WDFY4: variants seen among roughly 807,000 people sequenced by gnomAD.
The protein encoded by WDFY4 is WDFY family member 4, also known as WD repeat- and FYVE domain-containing protein 4.
WDFY4 carries 169 observed loss-of-function variants against 351.9 expected under a neutral mutation model. The observed-to-expected ratio is 0.48, with a 90% confidence interval of 0.42 to 0.55. The LOEUF is 0.55. Among genes scored for constraint, WDFY4 ranks in the 20% least tolerant of loss-of-function variants. The pLI is 0.00. For missense variants in WDFY4, 3,803 were observed against 3,935.6 expected, an observed-to-expected ratio of 0.97 and a Z score of 0.90; for synonymous variants, 1,622 against 1,574.6, an observed-to-expected ratio of 1.03 and a Z score of -0.71.
At chr10:48,816,193 C>T (rs2132953738) in intron 31 of WDFY4, among the ~76,000 whole-genome samples, 1 of 152,122 alleles carries the variant, frequency 6.6e-6, no homozygotes, top group South Asian at 2.1e-4. Context: ...ATTGTTTCTC[C>T]CTTCGTATTC....
intron 48 of WDFY4, among the ~76,000 whole-genome samples, chr10:48,942,913 C>A (rs1840854143): frequency 6.6e-6 from 1 of 152,174 alleles, no homozygotes; most frequent in Admixed American, 6.5e-5. Flanking sequence ...GACCATCAAG[C>A]CTGGGAGTGA....
In WDFY4 at chr10:48,982,595, G is replaced by C; in HGVS notation, c.*20G>C. 1 of 1,548,234 alleles carries C rather than the reference G, an allele frequency of 6.5e-7. No individual in the cohort carries two copies. The highest frequency in any genetic ancestry group is 8.7e-7 in the Non-Finnish European group (1 of 1,144,794). On this transcript the variant is annotated 3_prime_UTR_variant, in exon 62 of 62. Transcript: ENST00000325239. ...GGGTAGGAAGAGAGAGGCAGCAGAG[G>C]CTCTGGCACAACAGTGCCAGGCTGA...
intron 47 of WDFY4, among the ~76,000 whole-genome samples, chr10:48,907,156 C>A (rs990203396): frequency 6.6e-6 from 1 of 152,190 alleles, no homozygotes; most frequent in African/African-American, 2.4e-5. Flanking sequence ...GGGAAGCTAA[C>A]AATACCTGGC....
rs145657150 is a variant in WDFY4 at position 48,720,094 on chromosome 10, A to G, written c.318A>G (p.Gln106=). The G allele has an allele frequency of 1.6e-4, 245 of 1,551,716 alleles. 2 individuals are homozygous for G. The African/African-American group carries it at 2.9e-3, about 18-fold the overall frequency. ...ACGTGTCTGACCAGCTTGCCCAGCA[A>G]CTCCAGAAGGCCCTTGTGGGGAAGC... ...AEDVSDQLAQ[Q]LQKALVGKPA... Residue 106 remains glutamine (Q), a synonymous_variant, in exon 3 of 62, where the codon CAA becomes CAG. Coordinates refer to ENST00000325239, the MANE Select transcript of WDFY4 (RefSeq NM_001394531.1).
intron 12 of WDFY4, among the ~76,000 whole-genome samples, chr10:48,754,381 G>A (rs2065271083): frequency 6.6e-6 from 1 of 151,632 alleles, no homozygotes; most frequent in Non-Finnish European, 1.5e-5. Flanking sequence ...CTTTTCCCAT[G>A]GATGTCTGCA....
chr10:48,974,986 C>T lies in WDFY4; in HGVS notation c.9053C>T (p.Thr3018Ile), dbSNP rs1842503331. 1.3e-6 allele frequency: 2 copies of T among 1,551,674 alleles called. No homozygotes were observed. Among genetic ancestry groups the T allele is most frequent in the East Asian group, 2.4e-5 (1 of 40,928 alleles). The change falls in exon 58 of 62, where the codon ACC becomes ATC. Residue 3018 changes from threonine to isoleucine, a missense_variant. By Grantham distance (89) the Thr-to-Ile change is moderately conservative. This residue lies in a region of WDFY4 where 3,054 missense variants were observed against 3,148.6 expected (regional missense o/e 0.97). Coordinates refer to ENST00000325239, the MANE Select transcript of WDFY4 (RefSeq NM_001394531.1). ...GATCTGGACCACCTCACCCACGTGACCCGCCTGCCCGCCCATCGGGAAGGC... is the reference window on the plus strand; with the variant it reads ...GATCTGGACCACCTCACCCACGTGATCCGCCTGCCCGCCCATCGGGAAGGC... Reference protein sequence around the residue: ...LWDLDHLTHVTRLPAHREGIS... With the variant: ...LWDLDHLTHVIRLPAHREGIS...
intron 47 of WDFY4, among the ~76,000 whole-genome samples, chr10:48,908,986 T>C (rs1032304729): frequency 7.2e-5 from 11 of 152,368 alleles, no homozygotes; most frequent in African/African-American, 2.6e-4. Context: ...TTTTTTCATT[T>C]ACAGACTGTT....
intron 12 of WDFY4, among the ~76,000 whole-genome samples, chr10:48,750,101 C>G (rs1163060581): frequency 6.6e-6 from 1 of 152,246 alleles, no homozygotes; most frequent in Non-Finnish European, 1.5e-5. Context: ...CATCCTGCAG[C>G]TTCATCCTAA....
chr10:48,860,202 G>T (rs1307627709), intron 39 of WDFY4, among the ~76,000 whole-genome samples: 1 of 152,018 alleles, frequency 6.6e-6, no homozygotes, highest in Non-Finnish European at 1.5e-5. Flanking sequence ...TCTTTATTAT[G>T]ACCTTCCTTC....
intron 2 of WDFY4, among the ~76,000 whole-genome samples, chr10:48,719,246 C>T (rs781289840): frequency 7.9e-5 from 12 of 152,038 alleles, no homozygotes; most frequent in Non-Finnish European, 1.3e-4. Context: ...AGTAAAATCC[C>T]TAATAAAGTA....
intron 12 of WDFY4, among the ~76,000 whole-genome samples, chr10:48,751,426 A>C (rs144236999): frequency 6.6e-6 from 1 of 152,322 alleles, no homozygotes; most frequent in African/African-American, 2.4e-5. Context: ...TGATGGCTGG[A>C]AAGGAGAGGA....
chr10:48,764,371 G>A (rs1377776400), intron 13 of WDFY4, among the ~76,000 whole-genome samples: 5 of 152,194 alleles, frequency 3.3e-5, no homozygotes, highest in African/African-American at 9.6e-5. Context: ...TTAGAAATTG[G>A]GTAGTGGGAT....
chr10:48,873,677 C>T lies in WDFY4; in HGVS notation c.6928C>T (p.Leu2310=), dbSNP rs911571099. Residue 2310 remains leucine, a synonymous_variant, in exon 41 of 62, where the codon CTG becomes TTG. Transcript: ENST00000325239. ...CAAACGCTTGTCTCCTTTGGAGGCC[C>T]TGAGCTCAGGAAGGCACAAGGTAGG... ...RIKRLSPLEA[L]SSGRHKESQD... The T allele has an allele frequency of 3.9e-6, 6 of 1,551,686 alleles. No homozygotes were observed. The African/African-American group carries it at 8.2e-5, about 21-fold the overall frequency.
intron 2 of WDFY4, among the ~76,000 whole-genome samples, chr10:48,719,384 CACAGCG>C (rs1430569768): frequency 6.6e-6 from 1 of 152,166 alleles, no homozygotes; most frequent in Non-Finnish European, 1.5e-5. Context: ...GATGAGAGAG[CACAGCG>C]ATGCTCAGTG....
chr10:48,697,552 A>G (rs1361320564), intron 1 of WDFY4, among the ~76,000 whole-genome samples: 1 of 152,232 alleles, frequency 6.6e-6, no homozygotes, highest in Non-Finnish European at 1.5e-5. Flanking sequence ...GCAGGTGTGC[A>G]TCTAACAAAG....
At chr10:48,795,491 G>GTGTATATATATA (rs1416892459) in intron 23 of WDFY4, among the ~76,000 whole-genome samples, 4 of 101,240 alleles carry the variant, frequency 4.0e-5, no homozygotes, top group African/African-American at 1.4e-4. Flanking sequence ...GTGTGTGTCT[G>GTGTATATATATA]TATATATATA....
chr10:48,913,242 G>A (rs771854184), intron 47 of WDFY4: 7 of 739,782 alleles, frequency 9.5e-6, no homozygotes, highest in South Asian at 7.0e-5. Flanking sequence ...ACAATCACAC[G>A]CCGAGAAAGT....
intron 30 of WDFY4, 127 bp from the exon 31 acceptor site, chr10:48,813,830 T>A: frequency 8.5e-7 from 1 of 1,175,514 alleles, no homozygotes; most frequent in Non-Finnish European, 1.1e-6. Context: ...ATCAACCACC[T>A]AGGCTGCCAG....
chr10:48,771,351 A>G (rs956953306), intron 13 of WDFY4, among the ~76,000 whole-genome samples: 2 of 151,982 alleles, frequency 1.3e-5, no homozygotes, highest in African/African-American at 4.8e-5. Context: ...TGGAGAGGAG[A>G]TGGTGGAATG....
Sources: allele counts gnomAD v4.1 joint callset (sites outside exome capture counted in the v4.1 genomes callset), GRCh38; gene constraint gnomAD v4.1.1; regional missense constraint gnomAD v4.1.1; transcripts MANE v1.5; gene names NCBI Gene and HGNC (gene_info 2026-07-23, HGNC 2026-07-21).